The following HDAC9 variants were observed in gnomAD, a reference collection of about 807,000 sequenced individuals.
HDAC9 encodes MEF-2 interacting transcription repressor (MITR) protein.
A neutral mutation model predicts 139.4 loss-of-function variants in HDAC9; 41 were observed. The ratio of observed to expected loss-of-function variants is 0.29; its 90% CI spans 0.23 to 0.38. The LOEUF (loss-of-function observed/expected upper bound fraction) is 0.38, where lower values mean the gene tolerates loss of function less well. Ranked by LOEUF, HDAC9 falls within the 10% of genes least tolerant of loss-of-function variation. HDAC9 has a pLI of 1.00. For missense variants in HDAC9, 1,147 were observed against 1,297.0 expected (o/e 0.88, Z 1.78); for synonymous variants, 517 against 476.2 (o/e 1.09, Z -1.12).
At chr7:18,297,260 A>C (rs530974903) in intron 1 of HDAC9, among the ~76,000 whole-genome samples, 110 of 152,334 alleles carry the variant, frequency 7.2e-4, no homozygotes, top group African/African-American at 2.4e-3. Context: ...TATTTAAAAA[A>C]CTTTTAATTA....
chr7:18,666,385 C>T lies in HDAC9; in HGVS notation c.1640C>T (p.Ala547Val). The T allele has an allele frequency of 6.2e-7, 1 of 1,613,146 alleles. No individual in the cohort carries two copies. The highest frequency in any genetic ancestry group is 8.5e-7 in the Non-Finnish European group (1 of 1,179,560). ...GATGACACACTGGGACAAGTTGGGG[C>T]TGTGAAGGTCAAGGAGGAACCAGTG... ...CVDDTLGQVG[A>V]VKVKEEPVDS... The change falls in exon 12 of 26, where the codon GCT (alanine) becomes GTT (valine). Residue 547 changes from alanine to valine, a missense_variant. This residue lies in a region of HDAC9 where 256 missense variants were observed against 219.2 expected (regional missense o/e 1.17). Transcript: ENST00000686413.
At chr7:18,760,525 C>A (rs1235215513) in intron 14 of HDAC9, among the ~76,000 whole-genome samples, 3 of 152,138 alleles carry the variant, frequency 2.0e-5, no homozygotes, top group Non-Finnish European at 4.4e-5. Context: ...TGATCTTACC[C>A]ACCTGGAATA....
chr7:18,228,963 C>A (rs1024510586), intron 2 of HDAC9, among the ~76,000 whole-genome samples: 3 of 152,120 alleles, frequency 2.0e-5, no homozygotes, highest in African/African-American at 7.2e-5. Context: ...CCATGCAGGG[C>A]AGGATCCAGG....
chr7:18,814,011 G>C (rs1364996950), intron 17 of HDAC9, among the ~76,000 whole-genome samples: 2 of 152,116 alleles, frequency 1.3e-5, no homozygotes, highest in Non-Finnish European at 2.9e-5. Flanking sequence ...TATGGTAATT[G>C]GATCTGCCTA....
intron 2 of HDAC9, among the ~76,000 whole-genome samples, chr7:18,230,381 C>G (rs139446123): frequency 6.6e-6 from 1 of 152,180 alleles, no homozygotes; most frequent in African/African-American, 2.4e-5. Context: ...TACGTGCCCA[C>G]GAAGCTAGCC....
At chr7:18,991,797 A>G (rs1376499678) in intron 25 of HDAC9, among the ~76,000 whole-genome samples, 1 of 152,246 alleles carries the variant, frequency 6.6e-6, no homozygotes, top group Non-Finnish European at 1.5e-5. Context: ...ATAAATGCAA[A>G]TTTGAATAAC....
chr7:18,427,456 A>T lies in HDAC9; in HGVS notation c.-41-68806A>T, dbSNP rs1001847505. Among the ~76,000 whole-genome samples the T allele has an allele frequency of 4.0e-5, 6 of 151,548 alleles. No homozygotes were observed. The South Asian group carries it at 1.2e-3, about 32-fold the overall frequency. ...TTATTTAGTCATTCATTCATTTTAG[A>T]ATTTGACTTCCATATGTCTAAACAC... On this transcript the variant is annotated intron_variant, in intron 1 of 3. Transcript: ENST00000413509.
intron 1 of HDAC9, among the ~76,000 whole-genome samples, chr7:18,321,047 T>G (rs144591394): frequency 9.1e-4 from 139 of 152,312 alleles, no homozygotes; most frequent in African/African-American, 3.2e-3. Context: ...GCTACGTATT[T>G]TCATAGAACT....
intron 2 of HDAC9, among the ~76,000 whole-genome samples, chr7:18,558,956 G>A (rs938520418): frequency 6.6e-6 from 1 of 152,106 alleles, no homozygotes; most frequent in Non-Finnish European, 1.5e-5. Context: ...TGGTGACATT[G>A]GGAAGTGAGG....
At chr7:18,895,526 C>G (rs760520038) in intron 22 of HDAC9, among the ~76,000 whole-genome samples, 1 of 152,038 alleles carries the variant, frequency 6.6e-6, no homozygotes, top group Non-Finnish European at 1.5e-5. Flanking sequence ...AGCATGATTA[C>G]AAAAGTGAGT....
intron 2 of HDAC9, among the ~76,000 whole-genome samples, chr7:18,179,528 T>G (rs1224722837): frequency 6.6e-6 from 1 of 152,230 alleles, no homozygotes; most frequent in Admixed American, 6.5e-5. Flanking sequence ...TTGTTTTTTT[T>G]GCTTCTACCT....
intron 2 of HDAC9, chr7:18,543,686 C>A (rs1161423279): frequency 1.3e-5 from 2 of 151,904 alleles, no homozygotes; most frequent in African/African-American, 2.4e-5. Flanking sequence ...TAAAATTTTC[C>A]TGCTCTCGTG....
intron 1 of HDAC9, among the ~76,000 whole-genome samples, chr7:18,457,576 C>T (rs138391948): frequency 1.1e-3 from 173 of 152,106 alleles, no homozygotes; most frequent in Middle Eastern, 3.4e-3. Flanking sequence ...GTGCAGCTGA[C>T]CCATTATATT....
chr7:18,940,228 G>T (rs961117688), intron 23 of HDAC9, among the ~76,000 whole-genome samples: 13 of 152,120 alleles, frequency 8.5e-5, no homozygotes, highest in Admixed American at 7.9e-4. Context: ...TTATCTGAGT[G>T]TTGCACCCAA....
chr7:18,451,972 C>G (rs2128103287), intron 1 of HDAC9, among the ~76,000 whole-genome samples: 1 of 152,208 alleles, frequency 6.6e-6, no homozygotes, highest in South Asian at 2.1e-4. Flanking sequence ...ATCCATATCC[C>G]AGATGTTAAG....
intron 11 of HDAC9, among the ~76,000 whole-genome samples, chr7:18,659,354 C>T (rs1792394837): frequency 6.6e-6 from 1 of 152,006 alleles, no homozygotes. Context: ...CATCATGTGC[C>T]AATAGAATAT....
At chr7:18,437,712 G>C (rs1791342455) in intron 1 of HDAC9, among the ~76,000 whole-genome samples, 1 of 151,562 alleles carries the variant, frequency 6.6e-6, no homozygotes, top group African/African-American at 2.4e-5. Flanking sequence ...CATCATCACT[G>C]TAATGCAGGC....
At chr7:18,955,182 AC>A (rs1439668287) in intron 24 of HDAC9, among the ~76,000 whole-genome samples, 1 of 152,148 alleles carries the variant, frequency 6.6e-6, no homozygotes, top group African/African-American at 2.4e-5. Flanking sequence ...GCTGGGGTGC[AC>A]TATTCAAGTC....
chr7:18,183,154 T>C (rs2731566), intron 2 of HDAC9, among the ~76,000 whole-genome samples: 12,588 of 151,882 alleles, frequency 0.083, 551 homozygotes, highest in African/African-American at 0.089. Flanking sequence ...GGACTACAGG[T>C]GCCTGCCACC....
Sources: gnomAD v4.1 joint callset for allele counts (sites outside exome capture counted in the v4.1 genomes callset) on GRCh38, gnomAD v4.1.1 for gene constraint, gnomAD v4.1.1 regional missense constraint, MANE v1.5 for transcripts, NCBI Gene and HGNC (gene_info 2026-07-23, HGNC 2026-07-21) for gene names.